The following PLOD1 variants were observed in gnomAD, a reference collection of about 807,000 sequenced individuals.
PLOD1 encodes the protein lysine hydroxylase.
Under a neutral mutation model 94.7 loss-of-function variants are expected in PLOD1, and 70 were observed. The observed-to-expected ratio is 0.74, with a 90% CI of 0.61 to 0.90. The LOEUF (loss-of-function observed/expected upper bound fraction) is 0.90. Ranked by LOEUF, PLOD1 falls within the 40% of genes least tolerant of loss-of-function variation. The pLI, the probability that PLOD1 is intolerant of heterozygous loss-of-function variation, is 0.00. For missense variants in PLOD1, 905 were observed against 972.7 expected (o/e 0.93, Z 0.93); for synonymous variants, 417 against 400.2 (o/e 1.04, Z -0.50).
Position 11,963,785 on chromosome 1 carries a change from C to CCTCCTCGTCTTA in PLOD1, c.1202+154_1202+155insCGTCTTACTCCT, listed in dbSNP as rs1645795930. ...TGCTCCTCTTTCTCCTCCTCGTCTT[C>CCTCCTCGTCTTA]CTCCTTGTCTTCCTCCTCCTCTTCC... On this transcript the variant is annotated intron_variant, in intron 11 of 18. Transcript: ENST00000196061. The surrounding 1 kb of genome is among the most constrained non-coding windows in gnomAD (Gnocchi z 4.3). 1 of 695,966 alleles carries CCTCCTCGTCTTA rather than the reference C, an allele frequency of 1.4e-6. No individual in the cohort carries two copies. Among genetic ancestry groups the CCTCCTCGTCTTA allele is most frequent in the East Asian group, 2.7e-5 (1 of 37,326 alleles). The allele number at this position is 695,966 out of a possible 1,614,324, so 43.1% of individuals were successfully genotyped here. A position where few individuals can be genotyped will look rare whatever the true frequency, so the allele number is the denominator to read the frequency against.
At chr1:11,937,639 G>A (rs1020083383) in intron 1 of PLOD1, among the ~76,000 whole-genome samples, 2 of 152,168 alleles carry the variant, frequency 1.3e-5, no homozygotes, top group South Asian at 2.1e-4. Flanking sequence ...GAATTGAAGA[G>A]GGACCAGACT....
In PLOD1 at chr1:11,974,452, G is replaced by A. The variant is rs377302509; in HGVS notation, c.2029-201G>A. On this transcript the variant is annotated intron_variant, in intron 18 of 18. Coordinates refer to ENST00000196061, the MANE Select transcript of PLOD1 (RefSeq NM_000302.4). ...CCCGCCTTGGCCTGCCAAAGTGCTG[G>A]GATTACAGGCGTGAGCCACCACTCC... Among the ~76,000 whole-genome samples, 9 of 152,300 alleles carry A rather than the reference G, an allele frequency of 5.9e-5. No individual in the cohort carries two copies. In the South Asian group the frequency reaches 8.3e-4, roughly 14 times the overall value.
chr1:11,963,779 CGTCTTCCTCCTT>C lies in PLOD1; in HGVS notation c.1202+155_1202+166del, dbSNP rs1645795852. 1.1e-5 allele frequency: 8 copies of C among 697,358 alleles called. No individual in the cohort carries two copies. The highest frequency in any genetic ancestry group is 4.0e-5 in the Admixed American group (2 of 49,662). The allele number at this position is 697,358 out of a possible 1,614,324, so 43.2% of individuals were successfully genotyped here. A position where few individuals can be genotyped will look rare whatever the true frequency, so the allele number is the denominator to read the frequency against. On this transcript the variant is annotated intron_variant, in intron 11 of 18. Transcript: ENST00000196061. This position sits in a 1 kb window ranked among gnomAD's most constrained non-coding sequence, Gnocchi z 4.3. Reference sequence around the variant, plus strand: ...TTCTCCTGCTCCTCTTTCTCCTCCTCGTCTTCCTCCTTGTCTTCCTCCTCCTCTTCCTCTTCC... The same window carrying C: ...TTCTCCTGCTCCTCTTTCTCCTCCTCGTCTTCCTCCTCCTCTTCCTCTTCC...
At position 11,953,397 on chromosome 1, in the gene PLOD1, AAGG is replaced by A. The variant is rs1191321904; in HGVS notation, c.579+664_579+666del. On this transcript the variant is annotated intron_variant, in intron 5 of 18. Coordinates refer to ENST00000196061, the MANE Select transcript of PLOD1 (RefSeq NM_000302.4). ...GCAGCATTGTTCATTGGTTCAGAAT[AAGG>A]ACTTCAGGGCCAGGCTGCCTGGGTT... Among the ~76,000 whole-genome samples, 14 of 151,984 alleles carry A rather than the reference AAGG, an allele frequency of 9.2e-5. No homozygotes were observed. The East Asian group carries it at 2.7e-3, about 30-fold the overall frequency.
At position 11,972,533 on chromosome 1, in the gene PLOD1, G is replaced by C. The variant is rs935552238; in HGVS notation, c.1903-339G>C. 2 of 320,508 alleles carry C rather than the reference G, an allele frequency of 6.2e-6. No individual in the cohort carries two copies. Among genetic ancestry groups the C allele is most frequent in the South Asian group, 5.7e-5 (2 of 35,332 alleles). The allele number at this position is 320,508 out of a possible 1,614,324, so 19.9% of individuals were successfully genotyped here. A position where few individuals can be genotyped will look rare whatever the true frequency, so the allele number is the denominator to read the frequency against. On this transcript the variant is annotated intron_variant, in intron 17 of 18. Coordinates refer to ENST00000196061, the MANE Select transcript of PLOD1 (RefSeq NM_000302.4). This position sits in a 1 kb window ranked among gnomAD's most constrained non-coding sequence, Gnocchi z 4.6. The stretch of plus-strand genomic sequence containing the variant: ...CTCCCAAAGTGCTGGAATTACAGGC[G>C]TGAGTACCATGTCCGGCCTCCTTCC...
chr1:11,942,371 C>T (rs1645621212), intron 1 of PLOD1, among the ~76,000 whole-genome samples: 1 of 152,056 alleles, frequency 6.6e-6, no homozygotes, highest in African/African-American at 2.4e-5. Flanking sequence ...GAGAGGGAGA[C>T]CAAGGAAATA....
In PLOD1 at chr1:11,949,758, G is replaced by A. The variant is rs1645685416; in HGVS notation, c.169-15G>A. On this transcript the variant is annotated splice_polypyrimidine_tract_variant and intron_variant, in intron 2 of 18. Transcript: ENST00000196061. ...TCTTTACCAAAAGCCCGTGTTAAGG[G>A]GTGTTTCTCTCCAGGCGCTTGGCCT... 1.2e-6 allele frequency: 2 copies of A among 1,613,454 alleles called. No homozygotes were observed. Among genetic ancestry groups the A allele is most frequent in the Non-Finnish European group, 1.7e-6 (2 of 1,179,692 alleles).
intron 4 of PLOD1, among the ~76,000 whole-genome samples, chr1:11,952,148 C>G (rs1645707369): frequency 6.6e-6 from 1 of 152,208 alleles, no homozygotes; most frequent in Admixed American, 6.5e-5. Flanking sequence ...TTGCTTGTCA[C>G]CAGTCTGTAC....
intron 1 of PLOD1, among the ~76,000 whole-genome samples, chr1:11,937,070 A>G (rs1355299279): frequency 1.3e-5 from 2 of 151,364 alleles, no homozygotes; most frequent in African/African-American, 2.4e-5. Flanking sequence ...CTGGTTTCAA[A>G]CTCTTGATCT....
chr1:11,942,694 T>C (rs755232897), intron 1 of PLOD1, among the ~76,000 whole-genome samples: 7 of 152,144 alleles, frequency 4.6e-5, no homozygotes, highest in Admixed American at 1.3e-4. Flanking sequence ...GACCCCTGCA[T>C]TGCAGCCCAG....
At chr1:11,948,699 C>T (rs931080362) in intron 2 of PLOD1, among the ~76,000 whole-genome samples, 2 of 151,504 alleles carry the variant, frequency 1.3e-5, no homozygotes, top group African/African-American at 4.8e-5. Context: ...CACTGCACTC[C>T]AGCCTGGGCA....
chr1:11,958,582 T>C lies in PLOD1; in HGVS notation c.910T>C (p.Phe304Leu), dbSNP rs760230526. The stretch of plus-strand genomic sequence containing the variant: ...ACAGCCCACGCCGTTTGTGTCCCTG[T>C]TCTTCCAGCGGCTCCTGCGGCTCCA... The part of the protein sequence containing the change: ...IEQPTPFVSL[F>L]FQRLLRLHYP... Residue 304 changes from phenylalanine to leucine, a missense_variant, in exon 9 of 19, where the codon TTC (phenylalanine) becomes CTC (leucine). Phe to Leu is a conservative substitution (Grantham distance 22). Coordinates refer to ENST00000196061, the MANE Select transcript of PLOD1 (RefSeq NM_000302.4). This position sits in a 1 kb window ranked among gnomAD's most constrained non-coding sequence, Gnocchi z 4.3. The C allele has an allele frequency of 4.3e-6, 7 of 1,614,146 alleles. No individual in the cohort carries two copies. Among genetic ancestry groups the C allele is most frequent in the Non-Finnish European group, 5.9e-6 (7 of 1,180,016 alleles).
rs1281801241 is a variant in PLOD1 at position 11,974,665 on chromosome 1, C to A, written c.2041C>A (p.Arg681=). Residue 681 remains arginine (R), a synonymous_variant, in exon 19 of 19, where the codon CGG becomes AGG. Transcript: ENST00000196061. The part of the protein sequence containing the change: ...VGVDYEGGGC[R]FLRYNCSIRA... ...TTCTGTCTCCCAGGGCGGGGGCTGT[C>A]GGTTCCTGCGCTACAACTGTTCCAT... is the stretch of plus-strand genomic sequence containing the variant. 1 of 1,613,622 alleles carries A rather than the reference C, an allele frequency of 6.2e-7. No individual in the cohort carries two copies. The highest frequency in any genetic ancestry group is 8.5e-7 in the Non-Finnish European group (1 of 1,179,732).
At chr1:11,943,249 A>G (rs1316491840) in intron 1 of PLOD1, among the ~76,000 whole-genome samples, 2 of 150,628 alleles carry the variant, frequency 1.3e-5, no homozygotes, top group Non-Finnish European at 2.9e-5. Flanking sequence ...TGGCCTCCCA[A>G]AGTGCTAGGA....
At chr1:11,968,061 T>C (rs1645834177) in intron 16 of PLOD1, among the ~76,000 whole-genome samples, 1 of 151,572 alleles carries the variant, frequency 6.6e-6, no homozygotes, top group Non-Finnish European at 1.5e-5. Flanking sequence ...TCAAGCAGTT[T>C]TCTTGCCTCA....
intron 16 of PLOD1, among the ~76,000 whole-genome samples, chr1:11,968,519 T>C (rs1318626463): frequency 2.8e-5 from 4 of 142,388 alleles, no homozygotes. Context: ...TTCTTTTTTC[T>C]TTTTTTTTTT....
At chr1:11,964,847 C>T (rs1569723143) in intron 13 of PLOD1, 62 bp downstream of exon 13, 4 of 1,552,582 alleles carry the variant, frequency 2.6e-6, no homozygotes, top group Non-Finnish European at 3.5e-6. Flanking sequence ...AGGTGGGCCT[C>T]CAGCTCTGAC....
At position 11,937,494 on chromosome 1, in the gene PLOD1, T is replaced by C. The variant is rs74511381; in HGVS notation, c.76+2639T>C. ...CAAAGGGCTCTCGGCCTGGGTCCCC[T>C]CACTGGCCAGGAGCCCTGTTGTGGC... On this transcript the variant is annotated intron_variant, in intron 1 of 18. Coordinates refer to ENST00000196061, the MANE Select transcript of PLOD1 (RefSeq NM_000302.4). 2.4e-3 allele frequency among the ~76,000 whole-genome samples: 360 copies of C among 152,296 alleles called. 3 individuals are homozygous for C. The highest frequency in any genetic ancestry group is 8.5e-3 in the African/African-American group (353 of 41,580).
intron 1 of PLOD1, among the ~76,000 whole-genome samples, chr1:11,937,923 T>C (rs1011562578): frequency 2.7e-4 from 28 of 105,360 alleles, no homozygotes; most frequent in Admixed American, 7.3e-4. Flanking sequence ...CTGTTTTCCA[T>C]TTTTTTTTTT....
Sources: allele counts gnomAD v4.1 joint callset (sites outside exome capture counted in the v4.1 genomes callset), GRCh38; gene constraint gnomAD v4.1.1; non-coding constraint Gnocchi (gnomAD v3.1); transcripts MANE v1.5; gene names NCBI Gene and HGNC (gene_info 2026-07-23, HGNC 2026-07-21).